Variants in FSTL5 observed in about 807,000 individuals in gnomAD.
FSTL5 encodes the protein follistatin like 5.
FSTL5 carries 62 observed loss-of-function variants against 89.1 expected under a neutral mutation model. That is an observed-to-expected ratio of 0.70 (90% CI 0.57 to 0.86). The LOEUF (loss-of-function observed/expected upper bound fraction) is 0.86, where lower values mean the gene tolerates loss of function less well. Ranked by LOEUF, FSTL5 falls within the 40% of genes least tolerant of loss-of-function variation. The pLI, the probability that FSTL5 is intolerant of heterozygous loss-of-function variation, is 0.00. For synonymous variants in FSTL5, 383 were observed against 346.2 expected (o/e 1.11, Z -1.18); for missense variants, 1,057 against 1,001.6 (o/e 1.06, Z -0.75).
intron 4 of FSTL5, among the ~76,000 whole-genome samples, chr4:161,817,572 A>C (rs897842113): frequency 1.6e-4 from 24 of 152,192 alleles, no homozygotes; most frequent in African/African-American, 5.5e-4. Context: ...ATTTTTGCCA[A>C]ACTACCCTCA....
chr4:161,527,366 A>G (rs999853168), intron 10 of FSTL5, among the ~76,000 whole-genome samples: 1 of 152,168 alleles, frequency 6.6e-6, no homozygotes, highest in East Asian at 1.9e-4. Context: ...CAACCTACAA[A>G]ATGGGAGAAA....
At chr4:161,839,777 T>C (rs1289688522) in intron 4 of FSTL5, among the ~76,000 whole-genome samples, 1 of 152,150 alleles carries the variant, frequency 6.6e-6, no homozygotes, top group East Asian at 1.9e-4. Context: ...TATATCTTGA[T>C]TGGAGTGGTG....
At chr4:162,162,671 G>A (rs1055639401) in intron 1 of FSTL5, among the ~76,000 whole-genome samples, 5 of 152,094 alleles carry the variant, frequency 3.3e-5, no homozygotes, top group African/African-American at 1.2e-4. Context: ...TTCTTTCTCT[G>A]TACACACTCA....
intron 13 of FSTL5, among the ~76,000 whole-genome samples, chr4:161,480,539 C>G (rs1241436893): frequency 2.0e-5 from 3 of 152,202 alleles, no homozygotes; most frequent in Non-Finnish European, 2.9e-5. Context: ...TTCTCTATCT[C>G]TAACCTACTT....
At chr4:161,422,424 T>A (rs766784136) in intron 15 of FSTL5, among the ~76,000 whole-genome samples, 5 of 152,230 alleles carry the variant, frequency 3.3e-5, no homozygotes, top group Non-Finnish European at 7.3e-5. Context: ...AAACAGTTTT[T>A]TCTCCTGAGC....
chr4:161,730,963 G>T (rs913021263), intron 6 of FSTL5, among the ~76,000 whole-genome samples: 1 of 152,170 alleles, frequency 6.6e-6, no homozygotes, highest in African/African-American at 2.4e-5. Flanking sequence ...CAGTGCCCAT[G>T]CAAAGGCAAT....
At chr4:162,036,283 C>T (rs1737736403) in intron 2 of FSTL5, among the ~76,000 whole-genome samples, 1 of 152,042 alleles carries the variant, frequency 6.6e-6, no homozygotes, top group South Asian at 2.1e-4. Flanking sequence ...TCTGACCTTC[C>T]CTTACTTTCT....
At chr4:161,459,659 T>C (rs931141110) in intron 13 of FSTL5, among the ~76,000 whole-genome samples, 1 of 152,026 alleles carries the variant, frequency 6.6e-6, no homozygotes, top group African/African-American at 2.4e-5. Flanking sequence ...GAGAAGCTAT[T>C]TAGAAACTCA....
chr4:162,161,310 C>G (rs932719261), intron 1 of FSTL5, among the ~76,000 whole-genome samples: 6 of 151,860 alleles, frequency 4.0e-5, no homozygotes, highest in African/African-American at 1.4e-4. Context: ...TAAGTGTCTT[C>G]AAAGTTGGCA....
intron 4 of FSTL5, among the ~76,000 whole-genome samples, chr4:161,802,099 C>G (rs184043415): frequency 6.6e-6 from 1 of 151,640 alleles, no homozygotes; most frequent in East Asian, 1.9e-4. Flanking sequence ...ATTTTGATCT[C>G]TTTTAGTATT....
At chr4:161,595,079 T>C (rs1733965253) in intron 7 of FSTL5, among the ~76,000 whole-genome samples, 1 of 151,960 alleles carries the variant, frequency 6.6e-6, no homozygotes, top group Non-Finnish European at 1.5e-5. Flanking sequence ...ACACATTCTC[T>C]TTTTTTCAGG....
At chr4:161,693,431 A>G (rs1738021876) in intron 6 of FSTL5, among the ~76,000 whole-genome samples, 1 of 152,114 alleles carries the variant, frequency 6.6e-6, no homozygotes, top group African/African-American at 2.4e-5. Flanking sequence ...GGGAGAATCC[A>G]ACAATGAAAG....
At chr4:161,761,135 T>C (rs150313018) in intron 5 of FSTL5, among the ~76,000 whole-genome samples, 79 of 152,204 alleles carry the variant, frequency 5.2e-4, no homozygotes, top group Non-Finnish European at 8.4e-4. Flanking sequence ...CAAAATCTTA[T>C]CTGGTTTAAC....
chr4:161,679,017 C>A (rs62330773), intron 6 of FSTL5, among the ~76,000 whole-genome samples: 36,807 of 151,400 alleles, frequency 0.24, 5,444 homozygotes, highest in Non-Finnish European at 0.31. Flanking sequence ...AATTCTTTAT[C>A]TTAGTATTGA....
At chr4:161,631,920 G>A (rs949150386) in intron 7 of FSTL5, among the ~76,000 whole-genome samples, 15 of 152,124 alleles carry the variant, frequency 9.9e-5, no homozygotes, top group Non-Finnish European at 1.6e-4. Context: ...CTCAGGTAAA[G>A]CATTTTCCTA....
At chr4:161,464,306 C>T (rs1276462404) in intron 13 of FSTL5, among the ~76,000 whole-genome samples, 1 of 152,090 alleles carries the variant, frequency 6.6e-6, no homozygotes, top group East Asian at 1.9e-4. Context: ...CATGCTTCTG[C>T]CTTTTGGAGG....
chr4:161,918,011 A>G (rs1033821530), intron 4 of FSTL5, among the ~76,000 whole-genome samples: 8 of 152,180 alleles, frequency 5.3e-5, no homozygotes, highest in African/African-American at 1.9e-4. Flanking sequence ...CCCTAAATGA[A>G]TATAAGGTTT....
At chr4:162,065,194 T>C (rs1017228742) in intron 2 of FSTL5, among the ~76,000 whole-genome samples, 5 of 151,992 alleles carry the variant, frequency 3.3e-5, no homozygotes, top group African/African-American at 1.2e-4. Flanking sequence ...GACATTAATC[T>C]TGGCAATGAT....
At chr4:161,869,980 C>T (rs1258872250) in intron 4 of FSTL5, among the ~76,000 whole-genome samples, 3 of 152,116 alleles carry the variant, frequency 2.0e-5, no homozygotes, top group Non-Finnish European at 4.4e-5. Context: ...TCTACTCTCC[C>T]ACTGAAACTG....
Sources: gnomAD v4.1 joint callset for allele counts (sites outside exome capture counted in the v4.1 genomes callset) on GRCh38, gnomAD v4.1.1 for gene constraint, MANE v1.5 for transcripts, NCBI Gene and HGNC (gene_info 2026-07-23, HGNC 2026-07-21) for gene names.